The following CARS2 variants were observed in gnomAD, a reference collection of about 807,000 sequenced individuals.
CARS2 encodes cysteinyl-tRNA synthetase 2, mitochondrial.
Under a neutral mutation model 68.8 loss-of-function variants are expected in CARS2, and 52 were observed. That is an observed-to-expected ratio of 0.76 (90% CI 0.61 to 0.95). CARS2 has a LOEUF of 0.95. Among genes scored for constraint, CARS2 ranks in the 40% least tolerant of loss-of-function variants. The pLI is 0.00. For synonymous variants in CARS2, 314 were observed against 303.6 expected, an observed-to-expected ratio of 1.03 and a Z score of -0.36; for missense variants, 780 against 754.2, an observed-to-expected ratio of 1.03 and a Z score of -0.40.
chr13:110,650,979 A>C, intron 10 of CARS2, 55 bp downstream of exon 10: 1 of 1,343,586 alleles, frequency 7.4e-7, no homozygotes, highest in Non-Finnish European at 1.1e-6. Flanking sequence ...CAGTCCTGTC[A>C]GAATGACTGT....
At position 110,653,925 on chromosome 13, in the gene CARS2, C is replaced by T. The variant is rs574445431; in HGVS notation, c.988-2825G>A. ...AAGTTTCTATACTACTCCGGTTCCA[C>T]CGTGCAACCTGCCACGGCTCCCTGA... On this transcript the variant is annotated intron_variant, in intron 9 of 14. Coordinates refer to ENST00000257347, the MANE Select transcript of CARS2 (RefSeq NM_024537.4). This position sits in a 1 kb window ranked among gnomAD's most constrained non-coding sequence, Gnocchi z 5.6. Among the ~76,000 whole-genome samples the T allele has an allele frequency of 6.6e-6, 1 of 152,236 alleles. No individual in the cohort carries two copies. The highest frequency in any genetic ancestry group is 1.5e-5 in the Non-Finnish European group (1 of 68,048).
intron 3 of CARS2, among the ~76,000 whole-genome samples, chr13:110,698,293 G>A (rs1277871428): frequency 6.6e-6 from 1 of 152,026 alleles, no homozygotes; most frequent in Non-Finnish European, 1.5e-5. Context: ...GCCGAGGAGG[G>A]CGGATCACCT....
upstream of CARS2, among the ~76,000 whole-genome samples, chr13:110,708,076 C>G (rs552104235): frequency 1.3e-5 from 2 of 152,264 alleles, no homozygotes; most frequent in Non-Finnish European, 2.9e-5. Context: ...ATTTATCTCC[C>G]TGAGTATCTT....
intron 13 of CARS2, 152 bp downstream of exon 13, chr13:110,644,233 G>T: frequency 7.1e-7 from 1 of 1,416,604 alleles, no homozygotes; most frequent in Non-Finnish European, 9.6e-7. Context: ...GGCTCTGAGT[G>T]TGTTTATTTT....
intron 7 of CARS2, among the ~76,000 whole-genome samples, chr13:110,675,967 C>T (rs2139802861): frequency 6.6e-6 from 1 of 152,282 alleles, no homozygotes; most frequent in Non-Finnish European, 1.5e-5. Flanking sequence ...ACCAGCCTGA[C>T]CAGCAGGGAG....
chr13:110,647,274 C>T (rs765344512), intron 10 of CARS2, 35 bp from the exon 11 acceptor site: 1 of 1,599,810 alleles, frequency 6.3e-7, no homozygotes, highest in Non-Finnish European at 8.5e-7. Flanking sequence ...AGGCGGTGCC[C>T]ACCATGCTGT....
At chr13:110,641,646 C>T in intron 14 of CARS2, 38 bp from the exon 15 acceptor site, 1 of 1,515,674 alleles carries the variant, frequency 6.6e-7, no homozygotes, top group South Asian at 1.1e-5. Context: ...TGAGCAGACA[C>T]CACGTCATGT....
chr13:110,644,513 T>C (rs746362870), intron 12 of CARS2, 30 bp from the exon 13 acceptor site: 42 of 1,613,028 alleles, frequency 2.6e-5, no homozygotes, highest in Non-Finnish European at 3.6e-5. Context: ...AGAAGCTCCT[T>C]AAAAGCAGTC....
At chr13:110,680,327 A>C (rs945035303) in intron 6 of CARS2, among the ~76,000 whole-genome samples, 1 of 152,152 alleles carries the variant, frequency 6.6e-6, no homozygotes, top group African/African-American at 2.4e-5. Context: ...TGGGAGGTGG[A>C]GGTTGCAGTG....
chr13:110,648,459 C>T (rs779836551), intron 10 of CARS2: 4 of 152,222 alleles, frequency 2.6e-5, no homozygotes, highest in Non-Finnish European at 4.4e-5. Context: ...GACACTTCTC[C>T]AAAGTGTCAG....
At position 110,653,590 on chromosome 13, in the gene CARS2, C is replaced by T. The variant is rs943033594; in HGVS notation, c.988-2490G>A. Among the ~76,000 whole-genome samples the T allele has an allele frequency of 6.6e-6, 1 of 152,204 alleles. No homozygotes were observed. Among genetic ancestry groups the T allele is most frequent in the Non-Finnish European group, 1.5e-5 (1 of 68,048 alleles). ...GGGTTTTCCTCTCAGAATGTAAACGCATGCAGAATTAGCCTCAATGTGTTT... is the reference window on the plus strand; with the variant it reads ...GGGTTTTCCTCTCAGAATGTAAACGTATGCAGAATTAGCCTCAATGTGTTT... On this transcript the variant is annotated intron_variant, in intron 9 of 14. Coordinates refer to ENST00000257347, the MANE Select transcript of CARS2 (RefSeq NM_024537.4). The surrounding 1 kb of genome is among the most constrained non-coding windows in gnomAD (Gnocchi z 5.6).
rs759194567 is a variant in CARS2, at chr13:110,687,764, A to G, written c.528T>C (p.Ile176=). Residue 176 remains isoleucine, a synonymous_variant, in exon 5 of 15, where the codon ATT becomes ATC. Coordinates refer to ENST00000257347, the MANE Select transcript of CARS2 (RefSeq NM_024537.4). ...CGTTCCCACGAGCAATGATTCCTTCAATGAAAGAAATTATCTGAGGAATAT... is the reference window on the plus strand; with the variant it reads ...CGTTCCCACGAGCAATGATTCCTTCGATGAAAGAAATTATCTGAGGAATAT... The part of the protein sequence containing the change: ...TENIPQIISF[I]EGIIARGNAY... The G allele has an allele frequency of 2.6e-5, 42 of 1,613,264 alleles. No individual in the cohort carries two copies. The highest frequency in any genetic ancestry group is 3.3e-4 in the Middle Eastern group (2 of 6,040).
chr13:110,671,861 T>C (rs978870676), intron 7 of CARS2, among the ~76,000 whole-genome samples: 6 of 151,706 alleles, frequency 4.0e-5, no homozygotes, highest in Admixed American at 2.0e-4. Context: ...AATAAAGGGA[T>C]GAAGGGAGAT....
chr13:110,678,312 G>C (rs567475270), intron 6 of CARS2, among the ~76,000 whole-genome samples: 1 of 152,304 alleles, frequency 6.6e-6, no homozygotes, highest in African/African-American at 2.4e-5. Context: ...CCGAGACTCT[G>C]AGCAAGGTGC....
In CARS2 at chr13:110,676,436, C is replaced by T. The variant is rs1360751330; in HGVS notation, c.785+538G>A. On this transcript the variant is annotated intron_variant, in intron 7 of 14. Transcript: ENST00000257347. This position sits in a 1 kb window ranked among gnomAD's most constrained non-coding sequence, Gnocchi z 4.0. ...GCAGTGTCGTGTGACTGAGTGGGGG[C>T]GGCAGGCAGCTGCGGTCCCAGGCAG... Among the ~76,000 whole-genome samples the T allele has an allele frequency of 3.3e-5, 5 of 152,094 alleles. No homozygotes were observed. The highest frequency in any genetic ancestry group is 4.4e-5 in the Non-Finnish European group (3 of 68,008).
intron 6 of CARS2, among the ~76,000 whole-genome samples, chr13:110,678,496 T>C (rs2063038835): frequency 6.6e-6 from 1 of 152,176 alleles, no homozygotes; most frequent in African/African-American, 2.4e-5. Context: ...CAGACACAGA[T>C]ACTTTTTCTG....
In CARS2 at chr13:110,653,027, G is replaced by A. The variant is rs1156855478; in HGVS notation, c.988-1927C>T. ...ATGGCAGCCATCAGACCCCACCCAC[G>A]CTGAGCTAACCGCTGAGTCAAGCAG... On this transcript the variant is annotated intron_variant, in intron 9 of 14. Coordinates refer to ENST00000257347, the MANE Select transcript of CARS2 (RefSeq NM_024537.4). The surrounding 1 kb of genome is among the most constrained non-coding windows in gnomAD (Gnocchi z 5.6). 6.6e-6 allele frequency among the ~76,000 whole-genome samples: 1 copy of A among 152,140 alleles called. No individual in the cohort carries two copies. The highest frequency in any genetic ancestry group is 1.5e-5 in the Non-Finnish European group (1 of 68,016).
chr13:110,642,789 C>T (rs1234052608), intron 13 of CARS2: 1 of 707,488 alleles, frequency 1.4e-6, no homozygotes, highest in Non-Finnish European at 2.6e-6. Flanking sequence ...GGGCTGGGGG[C>T]TGCATGCCGC....
At chr13:110,694,272 C>T (rs1048943920) in intron 3 of CARS2, among the ~76,000 whole-genome samples, 25 of 151,396 alleles carry the variant, frequency 1.7e-4, no homozygotes, top group Admixed American at 5.3e-4. Flanking sequence ...GTGATCCTCC[C>T]ACCTCGGCCT....
Sources: allele counts gnomAD v4.1 joint callset (sites outside exome capture counted in the v4.1 genomes callset), GRCh38; gene constraint gnomAD v4.1.1; non-coding constraint Gnocchi (gnomAD v3.1); transcripts MANE v1.5; gene names NCBI Gene and HGNC (gene_info 2026-07-23, HGNC 2026-07-21).